NWD1: variants seen among roughly 807,000 people sequenced by gnomAD.
NWD1 encodes NACHT domain- and WD repeat-containing protein 1.
A neutral mutation model predicts 135.1 loss-of-function variants in NWD1; 129 were observed. That is an observed-to-expected ratio of 0.96 (90% CI 0.83 to 1.11). The LOEUF is 1.11. NWD1 is among the 50% of genes least tolerant of loss of function. The probability of loss-of-function intolerance (pLI) is 0.00; values close to 1 mark genes in which losing one functional copy is unlikely to be tolerated. For synonymous variants in NWD1, 773 were observed against 786.0 expected, an observed-to-expected ratio of 0.98 and a Z score of 0.28; for missense variants, 1,740 against 1,851.3, an observed-to-expected ratio of 0.94 and a Z score of 1.10.
intron 12 of NWD1, among the ~76,000 whole-genome samples, chr19:16,783,320 C>A (rs1599525209): frequency 6.6e-6 from 1 of 152,074 alleles, no homozygotes; most frequent in Admixed American, 6.6e-5. Context: ...CAGGCATAAG[C>A]CACTGTACCT....
chr19:16,794,703 T>C, intron 15 of NWD1, 150 bp downstream of exon 15: 1 of 657,820 alleles, frequency 1.5e-6, no homozygotes, highest in Non-Finnish European at 2.8e-6. Context: ...TTTTTTGCAG[T>C]CCAGACGAGA....
chr19:16,754,771 CA>C (rs1303005376), intron 6 of NWD1, among the ~76,000 whole-genome samples: 7 of 150,258 alleles, frequency 4.7e-5, no homozygotes, highest in African/African-American at 1.8e-4. Flanking sequence ...TCCATCCATC[CA>C]CCCACCTATC....
chr19:16,720,721 T>C (rs1056795020), intron 1 of NWD1, among the ~76,000 whole-genome samples: 1 of 152,014 alleles, frequency 6.6e-6, no homozygotes, highest in Non-Finnish European at 1.5e-5. Flanking sequence ...GCCCGGCTAA[T>C]TTTTTGTATT....
At chr19:16,760,718 G>A (rs1909582527) in intron 7 of NWD1, among the ~76,000 whole-genome samples, 1 of 152,104 alleles carries the variant, frequency 6.6e-6, no homozygotes, top group Admixed American at 6.6e-5. Flanking sequence ...AGCTTCCTGA[G>A]TAGCTAGGTT....
intron 12 of NWD1, among the ~76,000 whole-genome samples, chr19:16,784,419 A>G (rs1170430975): frequency 6.6e-6 from 1 of 152,064 alleles, no homozygotes; most frequent in African/African-American, 2.4e-5. Flanking sequence ...GAGGATATAT[A>G]TAGGCTATAT....
intron 15 of NWD1, 117 bp from the exon 16 acceptor site, chr19:16,797,615 T>C: frequency 1.1e-6 from 1 of 943,156 alleles, no homozygotes; most frequent in Non-Finnish European, 1.6e-6. Flanking sequence ...CCCAAAGTGC[T>C]GGGATTACAG....
chr19:16,789,140 C>G lies in NWD1; in HGVS notation c.2890C>G (p.Leu964Val). 1 of 1,614,070 alleles carries G rather than the reference C, an allele frequency of 6.2e-7. No individual in the cohort carries two copies. Among genetic ancestry groups the G allele is most frequent in the South Asian group, 1.1e-5 (1 of 91,080 alleles). Residue 964 changes from leucine to valine, a missense_variant, in exon 13 of 19, where the codon CTT (leucine) becomes GTT (valine). Coordinates refer to ENST00000524140, the MANE Select transcript of NWD1 (RefSeq NM_001007525.5). ...KNPAEPQIWN[L>V]HVDEAHKVVY... ...TCCCGCTGAACCTCAGATCTGGAAC[C>G]TTCATGTGGATGAGGCACACAAAGT...
At chr19:16,726,678 A>G (rs1273739023) in intron 2 of NWD1, among the ~76,000 whole-genome samples, 5 of 152,068 alleles carry the variant, frequency 3.3e-5, no homozygotes, top group Admixed American at 2.0e-4. Flanking sequence ...ACCTCAAGTG[A>G]TCCACCCACC....
chr19:16,744,398 A>G, intron 4 of NWD1, 23 bp from the exon 5 acceptor site: 1 of 1,534,228 alleles, frequency 6.5e-7, no homozygotes, highest in Non-Finnish European at 8.7e-7. Context: ...TGAGATTTGA[A>G]TCTGTGACTT....
chr19:16,805,991 C>G (rs549509288), intron 17 of NWD1, among the ~76,000 whole-genome samples: 4 of 152,096 alleles, frequency 2.6e-5, no homozygotes, highest in East Asian at 1.9e-4. Context: ...GCCTCAGCCT[C>G]CCTTCCAAGT....
chr19:16,813,695 T>C (rs1021177270), intron 18 of NWD1, among the ~76,000 whole-genome samples: 5 of 152,066 alleles, frequency 3.3e-5, no homozygotes, highest in Admixed American at 3.3e-4. Flanking sequence ...CAGGCTGGTC[T>C]TGAACTCCTG....
intron 14 of NWD1, 48 bp from the exon 15 acceptor site, chr19:16,794,415 A>G: frequency 1.9e-6 from 2 of 1,048,924 alleles, no homozygotes; most frequent in Non-Finnish European, 2.9e-6. Flanking sequence ...CAGACTTGTA[A>G]CCCTTAACCC....
chr19:16,737,566 G>C (rs1967874264), intron 4 of NWD1, among the ~76,000 whole-genome samples: 1 of 139,724 alleles, frequency 7.2e-6, no homozygotes. Flanking sequence ...CTAGTTTTAA[G>C]TTTTTTTTTT....
chr19:16,721,034 G>A (rs2122647227), intron 1 of NWD1, among the ~76,000 whole-genome samples: 1 of 152,222 alleles, frequency 6.6e-6, no homozygotes, highest in South Asian at 2.1e-4. Flanking sequence ...ATTTTTAGTA[G>A]AGATGGGGTT....
Position 16,765,079 on chromosome 19 carries a change from A to G in NWD1, c.2297A>G (p.Glu766Gly), listed in dbSNP as rs773441169. Reference sequence around the variant, plus strand: ...TGCCGGGGCATCTCTGGGGGCATTGAAGACCTGCTGGATGACTTTGACCTG... The same window carrying G: ...TGCCGGGGCATCTCTGGGGGCATTGGAGACCTGCTGGATGACTTTGACCTG... ...ISCRGISGGIEDLLDDFDLCA... is the reference protein window; with the variant it reads ...ISCRGISGGIGDLLDDFDLCA... The change falls in exon 10 of 19, where the codon GAA (glutamate) becomes GGA (glycine). Residue 766 changes from glutamate (E) to glycine (G), a missense_variant. By Grantham distance (98) the Glu-to-Gly change is moderately conservative. Transcript: ENST00000524140. 1 of 1,614,036 alleles carries G rather than the reference A, an allele frequency of 6.2e-7. No individual in the cohort carries two copies.
At chr19:16,767,381 G>A (rs201479345) in intron 10 of NWD1, among the ~76,000 whole-genome samples, 1 of 151,986 alleles carries the variant, frequency 6.6e-6, no homozygotes, top group Admixed American at 6.6e-5. Context: ...TTGGGAGGCC[G>A]AGGCAGGCAG....
Position 16,815,684 on chromosome 19 carries a change from G to A in NWD1, c.*645G>A, listed in dbSNP as rs759136923. On this transcript the variant is annotated 3_prime_UTR_variant, in exon 19 of 19. Transcript: ENST00000524140. ...ATTATTATATCTGGGAGAATGCAGA[G>A]CTCTAATCGGCTAGACTGATCCAAT... 12 of 212,274 alleles carry A rather than the reference G, an allele frequency of 5.7e-5. No individual in the cohort carries two copies. Among genetic ancestry groups the A allele is most frequent in the Non-Finnish European group, 8.5e-5 (9 of 105,472 alleles). 13.1% of individuals were successfully genotyped at this position (212,274 alleles called of 1,614,324 possible). A position where few individuals can be genotyped will look rare whatever the true frequency, so the allele number is the denominator to read the frequency against.
chr19:16,758,982 C>T lies in NWD1; in HGVS notation c.1770-243C>T, dbSNP rs1437254816. Among the ~76,000 whole-genome samples the T allele has an allele frequency of 8.9e-5, 11 of 124,074 alleles. No individual in the cohort carries two copies. In the Admixed American group the frequency reaches 1.2e-3, roughly 14 times the overall value. 81.4% of individuals were successfully genotyped at this position (124,074 alleles called of 152,430 possible). On this transcript the variant is annotated intron_variant, in intron 6 of 18. Coordinates refer to ENST00000524140, the MANE Select transcript of NWD1 (RefSeq NM_001007525.5). The stretch of plus-strand genomic sequence containing the variant: ...TTGCACCACTGCACTCCAACCTGGG[C>T]GACAGAGTGAAACTCTGTCTCAAAA...
chr19:16,787,898 A>C (rs868277438), intron 12 of NWD1, among the ~76,000 whole-genome samples: 312 of 84,694 alleles, frequency 3.7e-3, no homozygotes, highest in Middle Eastern at 5.0e-3. Context: ...TAATAATAAT[A>C]ATAATAATCA....
Sources: gnomAD v4.1 joint callset for allele counts (sites outside exome capture counted in the v4.1 genomes callset) on GRCh38, gnomAD v4.1.1 for gene constraint, MANE v1.5 for transcripts, NCBI Gene and HGNC (gene_info 2026-07-23, HGNC 2026-07-21) for gene names.